SGCZ: variants seen among roughly 807,000 people sequenced by gnomAD.
SGCZ encodes zeta-sarcoglycan.
SGCZ carries 40 observed loss-of-function variants against 41.3 expected under a neutral mutation model. The observed-to-expected ratio is 0.97, with a 90% CI of 0.75 to 1.26. The LOEUF is 1.26. Among genes scored for constraint, SGCZ ranks in the 50% most tolerant of loss-of-function variants. SGCZ has a pLI of 0.00. For missense variants in SGCZ, 552 were observed against 369.8 expected (o/e 1.49, Z -4.04); for synonymous variants, 206 against 137.5 (o/e 1.50, Z -3.49).
chr8:14,829,180 C>G (rs1447105387), intron 1 of SGCZ, among the ~76,000 whole-genome samples: 1 of 152,070 alleles, frequency 6.6e-6, no homozygotes, highest in Non-Finnish European at 1.5e-5. Context: ...TTTTCTTGAT[C>G]CTCTCCCTGC....
intron 1 of SGCZ, among the ~76,000 whole-genome samples, chr8:14,827,090 T>C (rs1448528110): frequency 6.6e-6 from 1 of 152,028 alleles, no homozygotes; most frequent in African/African-American, 2.4e-5. Context: ...AAGACTTACA[T>C]GTTAGACATA....
At chr8:14,435,814 TC>T (rs1227738857) in intron 2 of SGCZ, among the ~76,000 whole-genome samples, 1 of 152,190 alleles carries the variant, frequency 6.6e-6, no homozygotes, top group African/African-American at 2.4e-5. Flanking sequence ...TACTCAATCA[TC>T]GTATTTATTT....
chr8:14,742,637 C>G (rs888109727), intron 1 of SGCZ, among the ~76,000 whole-genome samples: 1 of 152,008 alleles, frequency 6.6e-6, no homozygotes, highest in Admixed American at 6.6e-5. Context: ...CCCAGATAAT[C>G]TTATTCATCC....
intron 2 of SGCZ, among the ~76,000 whole-genome samples, chr8:14,413,547 A>G (rs1799417037): frequency 6.6e-6 from 1 of 152,036 alleles, no homozygotes; most frequent in African/African-American, 2.4e-5. Context: ...TACATATTAA[A>G]ACTTGTTCCA....
chr8:14,722,218 T>C (rs1809909704), intron 1 of SGCZ, among the ~76,000 whole-genome samples: 1 of 152,214 alleles, frequency 6.6e-6, no homozygotes, highest in East Asian at 1.9e-4. Context: ...TGAGGGCATA[T>C]ATTTATGTTT....
intron 1 of SGCZ, among the ~76,000 whole-genome samples, chr8:14,793,464 C>T (rs1466993927): frequency 6.6e-6 from 1 of 152,108 alleles, no homozygotes; most frequent in Non-Finnish European, 1.5e-5. Context: ...AAAAAATTAT[C>T]CAGCCACAAA....
intron 1 of SGCZ, among the ~76,000 whole-genome samples, chr8:15,046,351 G>T (rs571333328): frequency 6.6e-6 from 1 of 152,068 alleles, no homozygotes; most frequent in Non-Finnish European, 1.5e-5. Context: ...GACCATTCAA[G>T]TTAATTCCCC....
intron 1 of SGCZ, among the ~76,000 whole-genome samples, chr8:14,625,160 G>T (rs1038692929): frequency 2.6e-5 from 4 of 152,092 alleles, no homozygotes; most frequent in Admixed American, 6.6e-5. Context: ...TGCTCACTGT[G>T]TTCAGTGTTC....
intron 1 of SGCZ, among the ~76,000 whole-genome samples, chr8:15,132,582 T>G (rs568706533): frequency 6.6e-6 from 1 of 152,294 alleles, no homozygotes; most frequent in African/African-American, 2.4e-5. Context: ...GTACTGTGGG[T>G]TTCTTGACTA....
At chr8:15,213,104 C>T (rs974911473) in intron 1 of SGCZ, among the ~76,000 whole-genome samples, 2 of 151,992 alleles carry the variant, frequency 1.3e-5, no homozygotes, top group Non-Finnish European at 2.9e-5. Context: ...GGTTGGAAAA[C>T]AGATTCTGTC....
At chr8:14,722,068 T>G (rs1809904819) in intron 1 of SGCZ, among the ~76,000 whole-genome samples, 1 of 152,222 alleles carries the variant, frequency 6.6e-6, no homozygotes, top group African/African-American at 2.4e-5. Context: ...GGTCAAACTA[T>G]CTCAAAATCT....
chr8:15,002,192 T>A (rs930692509), intron 1 of SGCZ, among the ~76,000 whole-genome samples: 1 of 115,302 alleles, frequency 8.7e-6, no homozygotes, highest in Non-Finnish European at 1.9e-5. Context: ...CTTAAGAATA[T>A]AGTCAGCTCT....
intron 1 of SGCZ, among the ~76,000 whole-genome samples, chr8:15,138,361 C>A (rs976243436): frequency 6.6e-6 from 1 of 152,028 alleles, no homozygotes; most frequent in Non-Finnish European, 1.5e-5. Context: ...TGAGTTGAGA[C>A]TTTAGGGGAC....
At chr8:15,190,083 G>A (rs1800482960) in intron 1 of SGCZ, among the ~76,000 whole-genome samples, 3 of 152,040 alleles carry the variant, frequency 2.0e-5, no homozygotes. Flanking sequence ...TTCTGCATAT[G>A]CCAGGCACCT....
In SGCZ at chr8:14,207,620, T is replaced by C. The variant is rs75726471; in HGVS notation, c.424+29972A>G. 3.3e-3 allele frequency among the ~76,000 whole-genome samples: 503 copies of C among 152,320 alleles called. 3 individuals are homozygous for C. The highest frequency in any genetic ancestry group is 0.011 in the African/African-American group (444 of 41,572). On this transcript the variant is annotated intron_variant, in intron 4 of 7. Transcript: ENST00000382080. ...GTTATAATGAACACATTTAAAATAC[T>C]GTTTCTTCTGTTTATGTAGTAGTGC...
chr8:14,543,337 T>C (rs1366998842), intron 2 of SGCZ, among the ~76,000 whole-genome samples: 1 of 152,102 alleles, frequency 6.6e-6, no homozygotes, highest in East Asian at 1.9e-4. Flanking sequence ...AAAATTGTGA[T>C]GTATATTAAT....
chr8:14,773,163 T>C (rs1800301150), intron 1 of SGCZ, among the ~76,000 whole-genome samples: 1 of 152,196 alleles, frequency 6.6e-6, no homozygotes, highest in African/African-American at 2.4e-5. Context: ...TTGATTTGCA[T>C]TTCTCTGATG....
intron 1 of SGCZ, among the ~76,000 whole-genome samples, chr8:14,671,546 C>A (rs1005997373): frequency 3.3e-5 from 5 of 152,054 alleles, no homozygotes; most frequent in Non-Finnish European, 7.4e-5. Context: ...ACTTATTTTG[C>A]AACTCTGTAC....
chr8:14,379,924 G>A (rs985373598), intron 2 of SGCZ, among the ~76,000 whole-genome samples: 12 of 152,012 alleles, frequency 7.9e-5, no homozygotes, highest in African/African-American at 2.4e-5. Flanking sequence ...TAGAGATGGG[G>A]CTTCACCATG....
Sources: allele counts gnomAD v4.1 joint callset (sites outside exome capture counted in the v4.1 genomes callset), GRCh38; gene constraint gnomAD v4.1.1; transcripts MANE v1.5; gene names NCBI Gene and HGNC (gene_info 2026-07-23, HGNC 2026-07-21).